The following NRXN1 variants were observed in gnomAD, a reference collection of about 807,000 sequenced individuals.
NRXN1 encodes the protein neurexin 1, also known as neurexin-1.
In NRXN1, 39 loss-of-function variants were observed where a neutral mutation model predicts 150.9. That is an observed-to-expected ratio of 0.26 (90% CI 0.20 to 0.34). The LOEUF is 0.34. Among genes scored for constraint, NRXN1 ranks in the 10% least tolerant of loss-of-function variants. NRXN1 has a pLI of 1.00. For missense variants in NRXN1, 1,815 were observed against 1,949.9 expected (o/e 0.93, Z 1.30); for synonymous variants, 924 against 757.0 (o/e 1.22, Z -3.62).
chr2:50,683,082 A>G (rs1574085146), intron 5 of NRXN1, among the ~76,000 whole-genome samples: 1 of 152,190 alleles, frequency 6.6e-6, no homozygotes, highest in Non-Finnish European at 1.5e-5. Flanking sequence ...CTGTGGACAC[A>G]GACCATACTT....
At chr2:50,121,395 A>C (rs985056888) in intron 18 of NRXN1, among the ~76,000 whole-genome samples, 1 of 152,220 alleles carries the variant, frequency 6.6e-6, no homozygotes, top group Non-Finnish European at 1.5e-5. Flanking sequence ...TCCATTTTAC[A>C]TATGATGAAA....
chr2:50,461,509 T>C (rs537162764), intron 17 of NRXN1, among the ~76,000 whole-genome samples: 1 of 152,196 alleles, frequency 6.6e-6, no homozygotes, highest in Non-Finnish European at 1.5e-5. Context: ...GGTAACATTC[T>C]ATTCCGGACC....
chr2:50,736,236 A>G (rs1430006930), intron 5 of NRXN1, among the ~76,000 whole-genome samples: 1 of 152,012 alleles, frequency 6.6e-6, no homozygotes, highest in Non-Finnish European at 1.5e-5. Context: ...CTTTACATTA[A>G]ACATCTTGTC....
chr2:50,670,111 G>T (rs1236664224), intron 5 of NRXN1, among the ~76,000 whole-genome samples: 1 of 151,512 alleles, frequency 6.6e-6, no homozygotes, highest in Non-Finnish European at 1.5e-5. Context: ...TTTATCTAGG[G>T]AAAATATGAA....
intron 18 of NRXN1, among the ~76,000 whole-genome samples, chr2:50,092,370 T>C (rs1428594706): frequency 2.0e-5 from 3 of 152,226 alleles, no homozygotes; most frequent in Non-Finnish European, 2.9e-5. Context: ...AACTCTACCA[T>C]GAAATCAGTT....
intron 5 of NRXN1, among the ~76,000 whole-genome samples, chr2:50,683,646 A>AAAAAAAAATAT: frequency 6.7e-5 from 1 of 14,910 alleles, no homozygotes; most frequent in African/African-American, 3.6e-4. Context: ...AAAAAAAAAA[A>AAAAAAAAATAT]ATATATATAT....
At chr2:50,136,620 T>C (rs1706449515) in intron 18 of NRXN1, among the ~76,000 whole-genome samples, 1 of 152,188 alleles carries the variant, frequency 6.6e-6, no homozygotes, top group Non-Finnish European at 1.5e-5. Context: ...GTATTATACA[T>C]TGCTTATAGC....
intron 18 of NRXN1, among the ~76,000 whole-genome samples, chr2:50,117,721 A>G (rs1394732184): frequency 2.0e-5 from 3 of 151,504 alleles, no homozygotes; most frequent in Non-Finnish European, 4.4e-5. Context: ...AAGAGTTTCA[A>G]TGAGTACTTC....
rs1412298342 is a variant in NRXN1 at position 50,346,385 on chromosome 2, C to T, written c.3365-109415G>A. On this transcript the variant is annotated intron_variant, in intron 17 of 22. Transcript: ENST00000401669. The surrounding 1 kb of genome is among the most constrained non-coding windows in gnomAD (Gnocchi z 5.0). ...CACTGAGTGACCTTCTGGCAACTGA[C>T]GCCCCCTTCCCGCGGGGCCCAGCCG... Among the ~76,000 whole-genome samples, 2 of 152,258 alleles carry T rather than the reference C, an allele frequency of 1.3e-5. No homozygotes were observed. The highest frequency in any genetic ancestry group is 1.9e-4 in the East Asian group (1 of 5,132).
intron 15 of NRXN1, 89 bp downstream of exon 15, chr2:50,495,816 G>T: frequency 8.7e-7 from 1 of 1,146,030 alleles, no homozygotes; most frequent in Non-Finnish European, 1.2e-6. Context: ...TTTGCAGAAG[G>T]TACAAACACA....
At chr2:50,993,183 T>C (rs942478628) in intron 2 of NRXN1, among the ~76,000 whole-genome samples, 1 of 151,958 alleles carries the variant, frequency 6.6e-6, no homozygotes, top group Non-Finnish European at 1.5e-5. Flanking sequence ...TTATATATTG[T>C]CTATGAGAGA....
intron 18 of NRXN1, among the ~76,000 whole-genome samples, chr2:50,164,487 A>C (rs961141634): frequency 3.9e-5 from 6 of 152,240 alleles, no homozygotes; most frequent in Admixed American, 3.9e-4. Context: ...AATCCTTGAT[A>C]GTCATTTTTA....
At chr2:50,494,124 G>A (rs1222973802) in intron 15 of NRXN1, among the ~76,000 whole-genome samples, 1 of 152,210 alleles carries the variant, frequency 6.6e-6, no homozygotes, top group Non-Finnish European at 1.5e-5. Flanking sequence ...TCAGGAGACA[G>A]TGTCCTAACT....
intron 2 of NRXN1, among the ~76,000 whole-genome samples, chr2:51,012,851 T>C (rs1479254313): frequency 6.6e-6 from 1 of 152,058 alleles, no homozygotes; most frequent in Non-Finnish European, 1.5e-5. Flanking sequence ...TACTATAATT[T>C]TTTTTCTCTG....
rs1057189978 is a variant in NRXN1, at chr2:50,912,530, T to C, written c.832+9339A>G. Among the ~76,000 whole-genome samples, 12 of 152,072 alleles carry C rather than the reference T, an allele frequency of 7.9e-5. No homozygotes were observed. In the South Asian group the frequency reaches 2.5e-3, roughly 32 times the overall value. On this transcript the variant is annotated intron_variant, in intron 5 of 22. Transcript: ENST00000401669. Reference sequence around the variant, plus strand: ...TATCTGTTCTTACACAGGGAATTGATGACATGGGACACTAGACAAGTATGT... The same window carrying C: ...TATCTGTTCTTACACAGGGAATTGACGACATGGGACACTAGACAAGTATGT...
At position 51,003,334 on chromosome 2, in the gene NRXN1, G is replaced by A. The variant is rs181178096; in HGVS notation, c.772+24168C>T. Among the ~76,000 whole-genome samples the A allele has an allele frequency of 2.8e-3, 428 of 152,004 alleles. 1 individual carries two copies. Among genetic ancestry groups the A allele is most frequent in the Non-Finnish European group, 3.9e-3 (264 of 67,908 alleles). Reference sequence around the variant, plus strand: ...GTAGCATAATAAAAACGAACGTAAGGAATATACAACATTGAGAGCATTGTT... The same window carrying A: ...GTAGCATAATAAAAACGAACGTAAGAAATATACAACATTGAGAGCATTGTT... On this transcript the variant is annotated intron_variant, in intron 2 of 22. Coordinates refer to ENST00000401669, the MANE Select transcript of NRXN1 (RefSeq NM_001330078.2).
At chr2:50,907,695 G>A (rs1470733738) in intron 5 of NRXN1, among the ~76,000 whole-genome samples, 3 of 151,962 alleles carry the variant, frequency 2.0e-5, no homozygotes, top group Non-Finnish European at 2.9e-5. Flanking sequence ...CTTTGAAGAT[G>A]AAAGAAAGGA....
Position 50,564,328 on chromosome 2 carries a change from G to C in NRXN1, c.1321-11303C>G, listed in dbSNP as rs144876152. 4.1e-3 allele frequency among the ~76,000 whole-genome samples: 628 copies of C among 152,184 alleles called. 2 individuals carry two copies. The highest frequency in any genetic ancestry group is 0.014 in the African/African-American group (567 of 41,522). On this transcript the variant is annotated intron_variant, in intron 8 of 22. Transcript: ENST00000401669. Reference sequence around the variant, plus strand: ...GTCTTAAGGGTTAAGATCTTAAATGGGTAAGAGGGGAGTGTTCATTATTTA... The same window carrying C: ...GTCTTAAGGGTTAAGATCTTAAATGCGTAAGAGGGGAGTGTTCATTATTTA...
chr2:49,977,842 C>G (rs1488763545), intron 21 of NRXN1, among the ~76,000 whole-genome samples: 1 of 152,128 alleles, frequency 6.6e-6, no homozygotes, highest in Non-Finnish European at 1.5e-5. Flanking sequence ...GTCTTTATTG[C>G]TCTGCATGAT....
Sources: gnomAD v4.1 joint callset for allele counts (sites outside exome capture counted in the v4.1 genomes callset) on GRCh38, gnomAD v4.1.1 for gene constraint, Gnocchi (gnomAD v3.1) non-coding constraint, MANE v1.5 for transcripts, NCBI Gene and HGNC (gene_info 2026-07-23, HGNC 2026-07-21) for gene names.